Variants in PRKN observed in about 807,000 individuals in gnomAD.
PRKN encodes E3 ubiquitin-protein ligase parkin.
Under a neutral mutation model 59.5 loss-of-function variants are expected in PRKN, and 56 were observed. The ratio of observed to expected loss-of-function variants is 0.94; its 90% confidence interval spans 0.76 to 1.18. PRKN has a LOEUF of 1.18. PRKN is among the 50% of genes most tolerant of loss of function. PRKN has a pLI of 0.00. For synonymous variants in PRKN, 250 were observed against 222.1 expected, an observed-to-expected ratio of 1.13 and a Z score of -1.12; for missense variants, 657 against 596.4, an observed-to-expected ratio of 1.10 and a Z score of -1.06.
At chr6:162,725,290 C>T (rs1779099885) in intron 1 of PRKN, among the ~76,000 whole-genome samples, 2 of 152,212 alleles carry the variant, frequency 1.3e-5, no homozygotes, top group African/African-American at 4.8e-5. Flanking sequence ...ATACTATTTA[C>T]ATTTTAGTGA....
At chr6:162,572,454 C>G (rs1459977191) in intron 1 of PRKN, among the ~76,000 whole-genome samples, 1 of 152,212 alleles carries the variant, frequency 6.6e-6, no homozygotes, top group African/African-American at 2.4e-5. Flanking sequence ...CAGCTGTCAT[C>G]TGCAGAATGA....
chr6:162,197,328 A>T (rs1784534870), intron 4 of PRKN, among the ~76,000 whole-genome samples: 1 of 152,168 alleles, frequency 6.6e-6, no homozygotes. Context: ...CTGAATGTGT[A>T]TTTTTGTTAT....
At chr6:161,839,392 G>C (rs1224722827) in intron 6 of PRKN, among the ~76,000 whole-genome samples, 1 of 152,058 alleles carries the variant, frequency 6.6e-6, no homozygotes, top group Non-Finnish European at 1.5e-5. Flanking sequence ...AAATCACTGG[G>C]AATTACTCTC....
chr6:162,169,832 CA>C (rs1304719304), intron 4 of PRKN, among the ~76,000 whole-genome samples: 1 of 152,148 alleles, frequency 6.6e-6, no homozygotes, highest in Non-Finnish European at 1.5e-5. Flanking sequence ...TAAAAGGTTT[CA>C]GGAGCTTCTC....
Position 161,386,503 on chromosome 6 carries a change from T to C in PRKN, c.1167+291A>G, listed in dbSNP as rs1239877593. 6.6e-6 allele frequency among the ~76,000 whole-genome samples: 1 copy of C among 152,228 alleles called. No homozygotes were observed. Among genetic ancestry groups the C allele is most frequent in the South Asian group, 2.1e-4 (1 of 4,830 alleles). ...ATTTAGACACTGTTAAGTTGTTTTA[T>C]TTCCCCTCTAAGGACTCCTTTGAAA... is the stretch of plus-strand genomic sequence containing the variant. On this transcript the variant is annotated intron_variant, in intron 10 of 11. Coordinates refer to ENST00000366898, the MANE Select transcript of PRKN (RefSeq NM_004562.3). This position sits in a 1 kb window ranked among gnomAD's most constrained non-coding sequence, Gnocchi z 4.3.
chr6:162,712,823 T>C (rs1254338883), intron 1 of PRKN, among the ~76,000 whole-genome samples: 4 of 152,160 alleles, frequency 2.6e-5, no homozygotes, highest in Admixed American at 6.5e-5. Context: ...GAGAAAACTA[T>C]TAACATATGA....
Position 162,574,332 on chromosome 6 carries a change from T to A in PRKN, c.8-130859A>T, listed in dbSNP as rs142738982. 4.1e-4 allele frequency among the ~76,000 whole-genome samples: 62 copies of A among 152,158 alleles called. 2 individuals carry two copies. The East Asian group carries it at 0.011, about 28-fold the overall frequency. On this transcript the variant is annotated intron_variant, in intron 1 of 11. Transcript: ENST00000366898. Reference sequence around the variant, plus strand: ...GGCTAAAGGAAACAGGCTTCTGTAGTTTGCTTCAAGGTTACATCTTGAAAC... The same window carrying A: ...GGCTAAAGGAAACAGGCTTCTGTAGATTGCTTCAAGGTTACATCTTGAAAC...
intron 7 of PRKN, among the ~76,000 whole-genome samples, chr6:161,764,092 A>C (rs531065987): frequency 6.6e-6 from 1 of 151,928 alleles, no homozygotes; most frequent in African/African-American, 2.4e-5. Flanking sequence ...TCCTCCAGCC[A>C]CTCTGGTCTC....
At chr6:162,154,022 A>G (rs1782390269) in intron 4 of PRKN, among the ~76,000 whole-genome samples, 1 of 152,188 alleles carries the variant, frequency 6.6e-6, no homozygotes, top group Non-Finnish European at 1.5e-5. Flanking sequence ...TTTTTGGCTT[A>G]AAGGTGGGGC....
chr6:161,601,728 G>A (rs944453490), intron 7 of PRKN, among the ~76,000 whole-genome samples: 36 of 151,814 alleles, frequency 2.4e-4, no homozygotes, highest in African/African-American at 4.6e-4. Context: ...GATTACAGGC[G>A]CCCGCCACCA....
At chr6:161,489,847 C>G (rs1206086805) in intron 9 of PRKN, among the ~76,000 whole-genome samples, 4 of 152,206 alleles carry the variant, frequency 2.6e-5, no homozygotes, top group Admixed American at 2.6e-4. Context: ...TTCCTCCAGG[C>G]TCTGCAGGAA....
At chr6:162,116,937 G>A (rs1780700481) in intron 4 of PRKN, among the ~76,000 whole-genome samples, 1 of 152,194 alleles carries the variant, frequency 6.6e-6, no homozygotes, top group South Asian at 2.1e-4. Flanking sequence ...CAGAGGGACT[G>A]AAGGATTTTT....
intron 2 of PRKN, among the ~76,000 whole-genome samples, chr6:162,266,299 TGTGTGTGTG>T (rs1402772221): frequency 2.0e-4 from 8 of 40,234 alleles, no homozygotes; most frequent in Middle Eastern, 0.012. Flanking sequence ...ACATATATAT[TGTGTGTGTG>T]TGTGTGTGTG....
intron 1 of PRKN, among the ~76,000 whole-genome samples, chr6:162,586,697 T>C (rs746394239): frequency 1.3e-5 from 2 of 152,162 alleles, no homozygotes; most frequent in Non-Finnish European, 2.9e-5. Context: ...GTATTTCTAA[T>C]CAAGTAAATG....
At chr6:161,881,581 C>T (rs1477678403) in intron 6 of PRKN, among the ~76,000 whole-genome samples, 2 of 151,934 alleles carry the variant, frequency 1.3e-5, no homozygotes, top group East Asian at 3.9e-4. Flanking sequence ...CAAATACGTA[C>T]AATCCCCATG....
chr6:162,556,135 G>A (rs1779559275), intron 1 of PRKN, among the ~76,000 whole-genome samples: 1 of 152,114 alleles, frequency 6.6e-6, no homozygotes, highest in Non-Finnish European at 1.5e-5. Flanking sequence ...CGTACTGTGT[G>A]AAGCCCCTAA....
chr6:162,382,163 CA>C (rs1309500451), intron 2 of PRKN, among the ~76,000 whole-genome samples: 5 of 152,156 alleles, frequency 3.3e-5, no homozygotes, highest in African/African-American at 9.7e-5. Context: ...TTAAATAGTA[CA>C]AGACGTATTT....
rs998608267 is a variant in PRKN, at chr6:161,570,140, A to T, written c.872-724T>A. Among the ~76,000 whole-genome samples, 1,288 of 133,162 alleles carry T rather than the reference A, an allele frequency of 9.7e-3. 4 individuals are homozygous for T. The highest frequency in any genetic ancestry group is 0.016 in the African/African-American group (535 of 33,518). 87.4% of individuals were successfully genotyped at this position (133,162 alleles called of 152,430 possible). A position where few individuals can be genotyped will look rare whatever the true frequency, so the allele number is the denominator to read the frequency against. ...GTAAATAGGTAAAAAAAAAAAAAAA[A>T]AAAAAAATATATATATATATATATA... On this transcript the variant is annotated intron_variant, in intron 7 of 11. Coordinates refer to ENST00000366898, the MANE Select transcript of PRKN (RefSeq NM_004562.3).
chr6:162,411,354 C>A (rs886085354), intron 2 of PRKN, among the ~76,000 whole-genome samples: 1 of 152,032 alleles, frequency 6.6e-6, no homozygotes, highest in African/African-American at 2.4e-5. Context: ...GAATCACTAA[C>A]AAATTTACTT....
Sources: allele counts gnomAD v4.1 joint callset (sites outside exome capture counted in the v4.1 genomes callset), GRCh38; gene constraint gnomAD v4.1.1; non-coding constraint Gnocchi (gnomAD v3.1); transcripts MANE v1.5; gene names NCBI Gene and HGNC (gene_info 2026-07-23, HGNC 2026-07-21).